ZNF608: variants seen among roughly 807,000 people sequenced by gnomAD.
ZNF608 encodes zinc finger protein 608.
ZNF608 carries 12 observed loss-of-function variants against 109.0 expected under a neutral mutation model. The observed-to-expected ratio is 0.11, with a 90% confidence interval of 0.07 to 0.18. The LOEUF (loss-of-function observed/expected upper bound fraction) is 0.18. ZNF608 is among the 10% of genes least tolerant of loss of function. The pLI is 1.00. For synonymous variants in ZNF608, 732 were observed against 717.4 expected, an observed-to-expected ratio of 1.02 and a Z score of -0.33; for missense variants, 1,707 against 1,879.3, an observed-to-expected ratio of 0.91 and a Z score of 1.70.
At chr5:124,735,906 T>A (rs2149897857) in intron 2 of ZNF608, among the ~76,000 whole-genome samples, 1 of 152,328 alleles carries the variant, frequency 6.6e-6, no homozygotes, top group Middle Eastern at 3.4e-3. Flanking sequence ...GCTTTTCAAT[T>A]ACTGAAGATG....
In ZNF608 at chr5:124,647,186, C is replaced by T. The variant is rs1318176330; in HGVS notation, c.3198G>A (p.Val1066=). The change falls in exon 5 of 10, where the codon GTG becomes GTA. Residue 1066 remains valine (V), a synonymous_variant. Coordinates refer to ENST00000513986, the MANE Select transcript of ZNF608 (RefSeq NM_020747.3). ...CCAGGGCAGGATGTCTTTGTGTGAT[C>T]ACCGACTGGTGCTGAGGCTGTAAGG... is the stretch of plus-strand genomic sequence containing the variant. ...SASLQPQHQS[V]ITQRHPALAQ... 8.7e-6 allele frequency: 14 copies of T among 1,614,202 alleles called. No homozygotes were observed. The highest frequency in any genetic ancestry group is 1.1e-5 in the Non-Finnish European group (13 of 1,180,044).
chr5:124,730,671 T>A (rs766418782), intron 2 of ZNF608, among the ~76,000 whole-genome samples: 6 of 152,160 alleles, frequency 3.9e-5, no homozygotes, highest in Admixed American at 6.5e-5. Context: ...GTGTCTTAGG[T>A]TGGCATTTTT....
At chr5:124,640,373 A>G (rs1425059226) in intron 8 of ZNF608, among the ~76,000 whole-genome samples, 2 of 152,190 alleles carry the variant, frequency 1.3e-5, no homozygotes, top group African/African-American at 4.8e-5. Context: ...TAGTGTCCTT[A>G]TAAGAAAGCA....
chr5:124,703,642 C>G (rs1753144199), intron 2 of ZNF608, among the ~76,000 whole-genome samples: 2 of 152,060 alleles, frequency 1.3e-5, no homozygotes, highest in Admixed American at 6.6e-5. Context: ...TGGTGGCATG[C>G]GAGTAGTCCC....
chr5:124,701,276 G>A lies in ZNF608; in HGVS notation c.907-7C>T. 1.2e-6 allele frequency: 2 copies of A among 1,613,884 alleles called. No individual in the cohort carries two copies. Among genetic ancestry groups the A allele is most frequent in the Non-Finnish European group, 1.7e-6 (2 of 1,179,892 alleles). On this transcript the variant is annotated splice_polypyrimidine_tract_variant and splice_region_variant and intron_variant, in intron 2 of 9. Transcript: ENST00000513986. ...CTGTAAACAGGGGGTCAACCTGAAAGACAGACAGGCTTACTGCAGTAGTGC... is the reference window on the plus strand; with the variant it reads ...CTGTAAACAGGGGGTCAACCTGAAAAACAGACAGGCTTACTGCAGTAGTGC...
intron 3 of ZNF608, among the ~76,000 whole-genome samples, chr5:124,694,194 C>G (rs1318545409): frequency 1.5e-5 from 2 of 130,674 alleles, no homozygotes; most frequent in Non-Finnish European, 3.1e-5. Context: ...CGGGGTTTCA[C>G]CGTGTTAGCC....
chr5:124,688,801 TGGA>T (rs1486100353), intron 3 of ZNF608, among the ~76,000 whole-genome samples: 3 of 152,232 alleles, frequency 2.0e-5, no homozygotes, highest in Admixed American at 6.5e-5. Context: ...GTCCATTCCA[TGGA>T]ATATTTGATA....
intron 2 of ZNF608, among the ~76,000 whole-genome samples, chr5:124,732,820 C>T (rs80170246): frequency 0.017 from 2,553 of 152,244 alleles, 39 homozygotes; most frequent in Non-Finnish European, 0.025. Flanking sequence ...TCCACCACCA[C>T]CATTCCTCCT....
At chr5:124,669,703 A>G (rs1253181766) in intron 3 of ZNF608, among the ~76,000 whole-genome samples, 1 of 152,022 alleles carries the variant, frequency 6.6e-6, no homozygotes, top group African/African-American at 2.4e-5. Context: ...AGGATGGTAT[A>G]GATGGGTTTC....
chr5:124,724,207 C>T (rs970042657), intron 2 of ZNF608, among the ~76,000 whole-genome samples: 47 of 151,586 alleles, frequency 3.1e-4, no homozygotes, highest in African/African-American at 1.1e-3. Context: ...TATAAGGGGA[C>T]AAAAATATAA....
intron 2 of ZNF608, among the ~76,000 whole-genome samples, chr5:124,743,327 C>A (rs971089360): frequency 5.3e-5 from 8 of 152,294 alleles, no homozygotes; most frequent in African/African-American, 1.9e-4. Flanking sequence ...TCTTAGCAGC[C>A]GTCCAGCTCC....
chr5:124,743,854 A>AAGCAGCAGCAGC (rs144751589), intron 2 of ZNF608, among the ~76,000 whole-genome samples: 1 of 151,178 alleles, frequency 6.6e-6, no homozygotes, highest in Non-Finnish European at 1.5e-5. Flanking sequence ...CTAGCATCAC[A>AAGCAGCAGCAGC]AGCAGCAGCA....
intron 3 of ZNF608, among the ~76,000 whole-genome samples, chr5:124,686,476 T>G (rs1384933271): frequency 3.3e-5 from 5 of 152,222 alleles, no homozygotes; most frequent in African/African-American, 1.2e-4. Context: ...GCCAAGCCAA[T>G]GCCCCAGTCC....
At chr5:124,642,692 CTTTTTT>C (rs755561532) in intron 7 of ZNF608, among the ~76,000 whole-genome samples, 1 of 95,290 alleles carries the variant, frequency 1.0e-5, no homozygotes, top group African/African-American at 4.6e-5. Context: ...TTTCTATTGT[CTTTTTT>C]TTTTTTTTTT....
Position 124,745,150 on chromosome 5 carries a change from C to G in ZNF608, c.-161G>C. 1 of 1,432,040 alleles carries G rather than the reference C, an allele frequency of 7.0e-7. No individual in the cohort carries two copies. Among genetic ancestry groups the G allele is most frequent in the Non-Finnish European group, 9.1e-7 (1 of 1,101,844 alleles). The allele number at this position is 1,432,040 out of a possible 1,614,324, so 88.7% of individuals were successfully genotyped here. A position where few individuals can be genotyped will look rare whatever the true frequency, so the allele number is the denominator to read the frequency against. On this transcript the variant is annotated 5_prime_UTR_variant, in exon 2 of 10. Transcript: ENST00000513986. ...ACGAATGTGTCCAGGGATTTTACAC[C>G]CTCAGTCCAGGTCCACCTTTTCCTG...
chr5:124,734,744 G>T (rs915067885), intron 2 of ZNF608: 5 of 152,130 alleles, frequency 3.3e-5, no homozygotes, highest in African/African-American at 1.2e-4. Flanking sequence ...AATATTGAAT[G>T]AAAGAATTTA....
At chr5:124,680,985 G>T (rs1752170575) in intron 3 of ZNF608, among the ~76,000 whole-genome samples, 1 of 152,134 alleles carries the variant, frequency 6.6e-6, no homozygotes, top group African/African-American at 2.4e-5. Flanking sequence ...GAAGGAGAAA[G>T]ATCAGAAAAG....
intron 3 of ZNF608, among the ~76,000 whole-genome samples, chr5:124,656,036 G>GT (rs1001713746): frequency 2.1e-4 from 31 of 149,622 alleles, no homozygotes; most frequent in Non-Finnish European, 3.1e-4. Context: ...AATGCAGTAT[G>GT]TTTTTTTTTT....
intron 2 of ZNF608, chr5:124,710,835 C>T (rs1268910164): frequency 2.0e-5 from 3 of 152,478 alleles, no homozygotes; most frequent in Non-Finnish European, 4.4e-5. Context: ...CAAAGCTTCC[C>T]CATACACCAT....
Sources: gnomAD v4.1 joint callset for allele counts (sites outside exome capture counted in the v4.1 genomes callset) on GRCh38, gnomAD v4.1.1 for gene constraint, MANE v1.5 for transcripts, NCBI Gene and HGNC (gene_info 2026-07-23, HGNC 2026-07-21) for gene names.